The following ACSS3 variants were observed in gnomAD, a reference collection of about 807,000 sequenced individuals.
ACSS3 encodes acyl-CoA synthetase short chain family member 3, also known as acyl-CoA synthetase short-chain family member 3, mitochondrial.
ACSS3 carries 64 observed loss-of-function variants against 84.2 expected under a neutral mutation model. The observed-to-expected ratio is 0.76, with a 90% CI of 0.62 to 0.94. The LOEUF is 0.94. ACSS3 is among the 40% of genes least tolerant of loss of function. ACSS3 has a pLI of 0.00. For synonymous variants in ACSS3, 317 were observed against 310.1 expected (o/e 1.02, Z -0.23); for missense variants, 815 against 867.6 (o/e 0.94, Z 0.76).
At chr12:81,151,031 A>C (rs1210673717) in intron 5 of ACSS3, among the ~76,000 whole-genome samples, 4 of 152,186 alleles carry the variant, frequency 2.6e-5, no homozygotes, top group Non-Finnish European at 5.9e-5. Flanking sequence ...GCCAATGATG[A>C]TTAATGTTTT....
At chr12:81,209,395 A>T (rs1050558792) in intron 9 of ACSS3, among the ~76,000 whole-genome samples, 1 of 152,052 alleles carries the variant, frequency 6.6e-6, no homozygotes, top group African/African-American at 2.4e-5. Flanking sequence ...ATGTAAAAAA[A>T]AAAAAAAAAA....
At chr12:81,133,969 A>G (rs1411759342) in intron 2 of ACSS3, among the ~76,000 whole-genome samples, 5 of 64,698 alleles carry the variant, frequency 7.7e-5, no homozygotes, top group Non-Finnish European at 2.1e-4. Flanking sequence ...TTCTTGCAAT[A>G]AATTTTATCA....
At chr12:81,113,080 C>G (rs1015438411) in intron 2 of ACSS3, among the ~76,000 whole-genome samples, 1 of 151,888 alleles carries the variant, frequency 6.6e-6, no homozygotes, top group African/African-American at 2.4e-5. Context: ...TATGCCAAAC[C>G]CTGATAGGAA....
chr12:81,118,425 G>A (rs1884244103), intron 2 of ACSS3, among the ~76,000 whole-genome samples: 1 of 152,158 alleles, frequency 6.6e-6, no homozygotes, highest in African/African-American at 2.4e-5. Context: ...GAAGGTGGAG[G>A]AGGATATAGA....
chr12:81,179,309 C>CAAA (rs371028485), intron 8 of ACSS3, among the ~76,000 whole-genome samples: 2 of 121,070 alleles, frequency 1.7e-5, no homozygotes, highest in African/African-American at 6.2e-5. Context: ...AAAAAAAACA[C>CAAA]AAAAAAAACC....
At chr12:81,225,849 G>T (rs914307275) in intron 11 of ACSS3, among the ~76,000 whole-genome samples, 1 of 151,860 alleles carries the variant, frequency 6.6e-6, no homozygotes, top group Non-Finnish European at 1.5e-5. Context: ...TTGTGTTAAC[G>T]CATAAATAAA....
At chr12:81,249,282 T>C (rs1210630483) in intron 13 of ACSS3, among the ~76,000 whole-genome samples, 1 of 152,092 alleles carries the variant, frequency 6.6e-6, no homozygotes, top group African/African-American at 2.4e-5. Context: ...GCTTTTCATG[T>C]GAAGAAACCT....
At chr12:81,158,913 A>G (rs187103271) in intron 7 of ACSS3, among the ~76,000 whole-genome samples, 51 of 152,172 alleles carry the variant, frequency 3.4e-4, no homozygotes, top group Non-Finnish European at 6.3e-4. Flanking sequence ...CTCTAACTGT[A>G]CTAAGGAAGG....
At chr12:81,146,074 AT>A (rs1886326395) in intron 5 of ACSS3, among the ~76,000 whole-genome samples, 2 of 152,150 alleles carry the variant, frequency 1.3e-5, no homozygotes, top group Non-Finnish European at 2.9e-5. Context: ...TATGGCACTT[AT>A]TTTAACCTGT....
intron 8 of ACSS3, among the ~76,000 whole-genome samples, chr12:81,196,974 T>A (rs2135889345): frequency 6.6e-6 from 1 of 152,334 alleles, no homozygotes; most frequent in South Asian, 2.1e-4. Flanking sequence ...TTCATCCTCA[T>A]GGCTCCAACT....
At chr12:81,100,984 A>T (rs758423483) in intron 1 of ACSS3, among the ~76,000 whole-genome samples, 6 of 152,206 alleles carry the variant, frequency 3.9e-5, no homozygotes, top group Non-Finnish European at 7.3e-5. Context: ...ATCATGATAG[A>T]CAGCAGGAAT....
At chr12:81,148,613 G>A (rs1313258667) in intron 5 of ACSS3, among the ~76,000 whole-genome samples, 1 of 152,094 alleles carries the variant, frequency 6.6e-6, no homozygotes, top group Non-Finnish European at 1.5e-5. Flanking sequence ...CAGAGTGCTA[G>A]TCCCATCTGG....
At chr12:81,208,275 GT>G (rs1337970425) in intron 9 of ACSS3, among the ~76,000 whole-genome samples, 1 of 152,126 alleles carries the variant, frequency 6.6e-6, no homozygotes, top group Non-Finnish European at 1.5e-5. Flanking sequence ...AATCCATATT[GT>G]TTTAATGTAG....
intron 1 of ACSS3, among the ~76,000 whole-genome samples, 163 bp downstream of exon 1, chr12:81,078,594 G>A (rs1880771723): frequency 6.6e-6 from 1 of 152,140 alleles, no homozygotes; most frequent in Admixed American, 6.5e-5. Context: ...TTCATAGTCA[G>A]TTCTCTTGCC....
chr12:81,186,835 G>A (rs1237460340), intron 8 of ACSS3, among the ~76,000 whole-genome samples: 2 of 151,774 alleles, frequency 1.3e-5, no homozygotes, highest in South Asian at 2.1e-4. Flanking sequence ...ACTACCATAT[G>A]ATCCAGCAAT....
Position 81,259,391 on chromosome 12 carries a change from AAAC to A in ACSS3, c.*4473_*4475del, listed in dbSNP as rs2034624262. 1 of 634,472 alleles carries A rather than the reference AAAC, an allele frequency of 1.6e-6. No homozygotes were observed. The highest frequency in any genetic ancestry group is 1.6e-5 in the South Asian group (1 of 62,226). The allele number at this position is 634,472 out of a possible 1,614,324, so 39.3% of individuals were successfully genotyped here. A position where few individuals can be genotyped will look rare whatever the true frequency, so the allele number is the denominator to read the frequency against. ...CTAGTATATTACAATAAAACATGAA[AAAC>A]AACTGGCTTCATTTCATAAAAGCAT... On this transcript the variant is annotated 3_prime_UTR_variant, in exon 16 of 16. Coordinates refer to ENST00000548058, the MANE Select transcript of ACSS3 (RefSeq NM_024560.4).
intron 3 of ACSS3, among the ~76,000 whole-genome samples, chr12:81,137,913 A>G (rs1309002060): frequency 6.6e-6 from 1 of 152,080 alleles, no homozygotes; most frequent in Non-Finnish European, 1.5e-5. Flanking sequence ...GCAGCTTGAT[A>G]TGGTGGAAAG....
intron 8 of ACSS3, among the ~76,000 whole-genome samples, chr12:81,182,988 C>T (rs1031058972): frequency 2.6e-5 from 4 of 152,142 alleles, no homozygotes; most frequent in Non-Finnish European, 5.9e-5. Flanking sequence ...ATTCTCTCCC[C>T]ATACAGACCA....
intron 15 of ACSS3, 37 bp downstream of exon 15, chr12:81,253,707 A>T (rs369549018): frequency 3.8e-6 from 6 of 1,582,562 alleles, no homozygotes; most frequent in Non-Finnish European, 4.3e-6. Flanking sequence ...GGGTTCTAAG[A>T]TATTTTTCTT....
Sources: gnomAD v4.1 joint callset for allele counts (sites outside exome capture counted in the v4.1 genomes callset) on GRCh38, gnomAD v4.1.1 for gene constraint, MANE v1.5 for transcripts, NCBI Gene and HGNC (gene_info 2026-07-23, HGNC 2026-07-21) for gene names.